WARS2: variants seen among roughly 807,000 people sequenced by gnomAD.
The protein encoded by WARS2 is tryptophan--tRNA ligase, mitochondrial.
In WARS2, 28 loss-of-function variants were observed where a neutral mutation model predicts 36.5. The observed-to-expected ratio is 0.77, with a 90% CI of 0.57 to 1.05. WARS2 has a LOEUF of 1.05. Among genes scored for constraint, WARS2 ranks in the 50% least tolerant of loss-of-function variants. The probability of loss-of-function intolerance (pLI) is 0.00; values close to 1 mark genes in which losing one functional copy is unlikely to be tolerated. For missense variants in WARS2, 435 were observed against 456.8 expected, an observed-to-expected ratio of 0.95 and a Z score of 0.44; for synonymous variants, 174 against 178.4, an observed-to-expected ratio of 0.98 and a Z score of 0.20.
chr1:119,044,423 T>C (rs950945593), intron 3 of WARS2, among the ~76,000 whole-genome samples: 1 of 152,212 alleles, frequency 6.6e-6, no homozygotes, highest in Non-Finnish European at 1.5e-5. Flanking sequence ...GGGAAAGTAT[T>C]GCCTAAAACC....
chr1:119,130,171 T>C (rs1655998534), intron 1 of WARS2, among the ~76,000 whole-genome samples: 1 of 151,672 alleles, frequency 6.6e-6, no homozygotes, highest in South Asian at 2.1e-4. Context: ...GTCAATACAA[T>C]AAATGAGCTT....
chr1:119,116,476 C>G (rs1487071344), intron 1 of WARS2, among the ~76,000 whole-genome samples: 1 of 152,046 alleles, frequency 6.6e-6, no homozygotes, highest in African/African-American at 2.4e-5. Flanking sequence ...AGGAATATAC[C>G]AGGAAAACTG....
chr1:119,137,741 A>G (rs746065099), intron 1 of WARS2, among the ~76,000 whole-genome samples: 7 of 152,200 alleles, frequency 4.6e-5, no homozygotes, highest in Non-Finnish European at 8.8e-5. Flanking sequence ...AACACCTGGC[A>G]AAATAAACCG....
intron 1 of WARS2, among the ~76,000 whole-genome samples, chr1:119,120,416 T>C (rs1655254270): frequency 6.6e-6 from 1 of 151,658 alleles, no homozygotes; most frequent in Admixed American, 6.6e-5. Context: ...ATAAAAAACA[T>C]TGCCAACAAA....
At position 119,103,395 on chromosome 1, in the gene WARS2, G is replaced by C. The variant is rs186631991; in HGVS notation, c.91-26788C>G. On this transcript the variant is annotated intron_variant, in intron 1 of 5. Coordinates refer to ENST00000235521, the MANE Select transcript of WARS2 (RefSeq NM_015836.4). ...ATTCACATCCCAACATTTGGATTTG[G>C]GTCAAGAGCTTTGGGCTTAATCAAG... is the stretch of plus-strand genomic sequence containing the variant. 2.2e-3 allele frequency among the ~76,000 whole-genome samples: 336 copies of C among 152,070 alleles called. 2 individuals carry two copies. Among genetic ancestry groups the C allele is most frequent in the African/African-American group, 7.7e-3 (321 of 41,464 alleles).
rs147962776 is a variant in WARS2 at position 119,045,607 on chromosome 1, C to T, written c.404G>A (p.Arg135Gln). The T allele has an allele frequency of 1.7e-4, 269 of 1,594,826 alleles. No individual in the cohort carries two copies. In the Middle Eastern group the frequency reaches 5.0e-3, roughly 29 times the overall value. ...WILSCMVRLPRLQHLHQWKAK... is the reference protein window; with the variant it reads ...WILSCMVRLPQLQHLHQWKAK... Reference sequence around the variant, plus strand: ...CTTCCACTGATGTAAATGTTGTAATCGAGGTAGTCTGACCATGCAGGAAAG... The same window carrying T: ...CTTCCACTGATGTAAATGTTGTAATTGAGGTAGTCTGACCATGCAGGAAAG... The change falls in exon 3 of 6, where the codon CGA becomes CAA. Residue 135 changes from arginine (R) to glutamine (Q), a missense_variant. By Grantham distance (43) the Arg-to-Gln change is conservative. Coordinates refer to ENST00000235521, the MANE Select transcript of WARS2 (RefSeq NM_015836.4).
intron 2 of WARS2, among the ~76,000 whole-genome samples, chr1:119,069,698 AGCTGAGTT>A (rs1175073386): frequency 1.3e-5 from 2 of 152,184 alleles, no homozygotes; most frequent in Non-Finnish European, 2.9e-5. Flanking sequence ...TTTCTAGCTA[AGCTGAGTT>A]TAGATTTTTA....
chr1:119,079,117 T>C (rs1651994903), intron 1 of WARS2, among the ~76,000 whole-genome samples: 1 of 152,182 alleles, frequency 6.6e-6, no homozygotes, highest in Non-Finnish European at 1.5e-5. Context: ...CTGATTATTC[T>C]AGCACCATTT....
In WARS2 at chr1:119,045,572, T is replaced by A. The variant is rs1648723584; in HGVS notation, c.429+10A>T. The A allele has an allele frequency of 1.3e-5, 21 of 1,582,854 alleles. No homozygotes were observed. The highest frequency in any genetic ancestry group is 1.7e-5 in the Non-Finnish European group (20 of 1,159,224). On this transcript the variant is annotated intron_variant, in intron 3 of 5. Transcript: ENST00000235521. ...CTTGTCTGTTTATTAATCAGATTAC[T>A]GGCATTTACCTTCCACTGATGTAAA...
intron 1 of WARS2, among the ~76,000 whole-genome samples, chr1:119,084,678 C>T (rs772506001): frequency 3.3e-5 from 5 of 152,272 alleles, no homozygotes; most frequent in South Asian, 2.1e-4. Flanking sequence ...ACATCAAACA[C>T]AAAACTAGAA....
intron 1 of WARS2, among the ~76,000 whole-genome samples, chr1:119,116,392 G>T (rs754231013): frequency 2.0e-5 from 3 of 152,196 alleles, no homozygotes; most frequent in African/African-American, 7.2e-5. Context: ...GGACTAATGT[G>T]CAGCTCCCAC....
At chr1:119,087,775 C>T (rs1652777489) in intron 1 of WARS2, among the ~76,000 whole-genome samples, 2 of 152,198 alleles carry the variant, frequency 1.3e-5, no homozygotes, top group African/African-American at 4.8e-5. Flanking sequence ...CATCCTCATG[C>T]ATTAATTGCC....
At chr1:119,074,675 G>T (rs752170163) in intron 2 of WARS2, among the ~76,000 whole-genome samples, 17 of 152,128 alleles carry the variant, frequency 1.1e-4, no homozygotes, top group Non-Finnish European at 2.2e-4. Context: ...TAAACATACA[G>T]TTGGCCCTCT....
At chr1:119,060,540 G>A (rs1473359509) in intron 2 of WARS2, among the ~76,000 whole-genome samples, 1 of 152,146 alleles carries the variant, frequency 6.6e-6, no homozygotes, top group Non-Finnish European at 1.5e-5. Flanking sequence ...TGAATTTTGA[G>A]GGATACAACT....
intron 4 of WARS2, among the ~76,000 whole-genome samples, chr1:119,041,975 G>A (rs1648405385): frequency 6.6e-6 from 1 of 152,152 alleles, no homozygotes; most frequent in Non-Finnish European, 1.5e-5. Flanking sequence ...AAGGGTTGAT[G>A]TATATAAAGT....
chr1:119,057,045 C>CT (rs1408576976), intron 2 of WARS2, among the ~76,000 whole-genome samples: 5 of 152,232 alleles, frequency 3.3e-5, no homozygotes, highest in African/African-American at 7.2e-5. Context: ...TTCTCAGTAT[C>CT]TTTAAGTTTG....
chr1:119,123,376 TGAGG>T (rs1655451191), intron 1 of WARS2, among the ~76,000 whole-genome samples: 1 of 152,182 alleles, frequency 6.6e-6, no homozygotes, highest in Admixed American at 6.5e-5. Flanking sequence ...CCCTAGCCAA[TGAGG>T]TGCTTTAATG....
intron 4 of WARS2, among the ~76,000 whole-genome samples, chr1:119,036,149 C>T (rs967822945): frequency 2.9e-4 from 44 of 152,134 alleles, no homozygotes; most frequent in African/African-American, 9.9e-4. Context: ...GTGGAGGCTG[C>T]GGTGAGCCAA....
intron 1 of WARS2, among the ~76,000 whole-genome samples, chr1:119,114,367 C>A (rs771459804): frequency 1.7e-4 from 26 of 152,154 alleles, no homozygotes; most frequent in Non-Finnish European, 3.1e-4. Context: ...ATTAACACTG[C>A]TTTGCTTGTT....
Sources: allele counts gnomAD v4.1 joint callset (sites outside exome capture counted in the v4.1 genomes callset), GRCh38; gene constraint gnomAD v4.1.1; transcripts MANE v1.5; gene names NCBI Gene and HGNC (gene_info 2026-07-23, HGNC 2026-07-21).